COQ8A: variants seen among roughly 807,000 people sequenced by gnomAD.
COQ8A encodes the protein coenzyme Q8A, also known as atypical kinase COQ8A, mitochondrial.
A neutral mutation model predicts 65.0 loss-of-function variants in COQ8A; 51 were observed. The observed-to-expected ratio is 0.78, with a 90% CI of 0.63 to 0.99. The LOEUF (loss-of-function observed/expected upper bound fraction) is 0.99, where lower values mean the gene tolerates loss of function less well. COQ8A is among the 50% of genes least tolerant of loss of function. The pLI, the probability that COQ8A is intolerant of heterozygous loss-of-function variation, is 0.00. For missense variants in COQ8A, 940 were observed against 875.0 expected (o/e 1.07, Z -0.94); for synonymous variants, 371 against 353.2 (o/e 1.05, Z -0.57).
At chr1:226,959,824 G>C (rs1658042089) in intron 1 of COQ8A, among the ~76,000 whole-genome samples, 2 of 152,244 alleles carry the variant, frequency 1.3e-5, no homozygotes, top group South Asian at 4.1e-4. Context: ...GGATGCAACT[G>C]TTTAGGTAGG....
chr1:226,985,258 T>TCAGG lies in COQ8A; in HGVS notation c.1578_1581dup (p.Ala528GlnfsTer47). 6.2e-7 allele frequency: 1 copy of TCAGG among 1,613,504 alleles called. No individual in the cohort carries two copies. The highest frequency in any genetic ancestry group is 8.5e-7 in the Non-Finnish European group (1 of 1,179,972). On this transcript the variant is annotated frameshift_variant, in exon 14 of 15. Coordinates refer to ENST00000366777, the MANE Select transcript of COQ8A (RefSeq NM_020247.5). LOFTEE classifies it high-confidence loss of function. ...CCCTCCTGTGCCTCTCCCCAGATCA[T>TCAGG]CAGGGCTGCTGCCGACAGGGACAGG...
intron 5 of COQ8A, 152 bp from the exon 6 acceptor site, chr1:226,981,875 T>G (rs978811912): frequency 2.4e-5 from 29 of 1,185,282 alleles, no homozygotes; most frequent in Admixed American, 8.0e-5. Context: ...CTTGGGGAGG[T>G]GGACATGGAA....
rs750337173 is a variant in COQ8A, at chr1:226,983,040, C to T, written c.1080+6C>T. The T allele has an allele frequency of 1.8e-5, 29 of 1,577,760 alleles. No individual in the cohort carries two copies. The highest frequency in any genetic ancestry group is 2.1e-4 in the Middle Eastern group (1 of 4,746). On this transcript the variant is annotated splice_donor_region_variant and intron_variant, in intron 8 of 14. Transcript: ENST00000366777. ...AGGTGGCCATGAAGATCCAGGTAGG[C>T]GGCCTGATGCGCAGTGCCTGTCCCT... is the stretch of plus-strand genomic sequence containing the variant.
chr1:226,951,356 G>A (rs978604427), intron 1 of COQ8A, among the ~76,000 whole-genome samples: 3 of 152,216 alleles, frequency 2.0e-5, no homozygotes, highest in Non-Finnish European at 2.9e-5. Context: ...GCCTCCTGAA[G>A]CGACAGGAGG....
chr1:226,986,960 T>G lies in COQ8A; in HGVS notation c.*223T>G, dbSNP rs1467950048. 1.7e-6 allele frequency: 1 copy of G among 600,252 alleles called. No individual in the cohort carries two copies. The highest frequency in any genetic ancestry group is 2.9e-6 in the Non-Finnish European group (1 of 339,310). The allele number at this position is 600,252 out of a possible 1,614,324, so 37.2% of individuals were successfully genotyped here. A position where few individuals can be genotyped will look rare whatever the true frequency, so the allele number is the denominator to read the frequency against. On this transcript the variant is annotated 3_prime_UTR_variant, in exon 15 of 15. Transcript: ENST00000366777. ...ATGAAGCCCCACTGCTCGGTCAGTC[T>G]GCCTCCGTGTGTCCTCTGAAATAAG...
At position 226,983,801 on chromosome 1, in the gene COQ8A, G is replaced by C; in HGVS notation, c.1203G>C (p.Glu401Asp). 6.2e-7 allele frequency: 1 copy of C among 1,612,636 alleles called. No homozygotes were observed. The highest frequency in any genetic ancestry group is 8.5e-7 in the Non-Finnish European group (1 of 1,180,002). ...PEHLIDVLRR[E>D]LALECDYQRE... ...ACCTGATCGACGTGCTGAGGCGGGA[G>C]CTGGCCCTGGAGTGTGACTACCAGC... Residue 401 changes from glutamate (E) to aspartate (D), a missense_variant, in exon 10 of 15, where the codon GAG becomes GAC. Glu to Asp is a conservative substitution (Grantham distance 45, BLOSUM62 2). Transcript: ENST00000366777.
intron 1 of COQ8A, among the ~76,000 whole-genome samples, chr1:226,957,802 A>G (rs1205083268): frequency 1.3e-5 from 2 of 152,194 alleles, no homozygotes; most frequent in African/African-American, 4.8e-5. Flanking sequence ...TTTGGAGACT[A>G]GATTTGAAGG....
In COQ8A at chr1:226,977,521, C is replaced by T. The variant is rs774643334; in HGVS notation, c.728C>T (p.Ser243Leu). Residue 243 changes from serine (S) to leucine (L), a missense_variant and splice_region_variant, in exon 5 of 15, where the codon TCA becomes TTA. Physicochemically the swap from Ser to Leu is moderately radical, Grantham distance 145. Coordinates refer to ENST00000366777, the MANE Select transcript of COQ8A (RefSeq NM_020247.5). ...AAGAGCCTGCGCTCCGAGGACCCCT[C>T]AGGTGAGCCGGGCCCTTCAGTGGGA... Reference protein sequence around the residue: ...AKKSLRSEDPSGKKAVLGSSP... With the variant: ...AKKSLRSEDPLGKKAVLGSSP... 1.9e-6 allele frequency: 3 copies of T among 1,558,450 alleles called. No individual in the cohort carries two copies.
intron 1 of COQ8A, among the ~76,000 whole-genome samples, chr1:226,943,583 T>C (rs1656825164): frequency 6.6e-6 from 1 of 152,218 alleles, no homozygotes; most frequent in African/African-American, 2.4e-5. Flanking sequence ...ACTGGATATA[T>C]GGCTGAGATT....
At chr1:226,951,025 G>C (rs967276132) in intron 1 of COQ8A, among the ~76,000 whole-genome samples, 1 of 152,192 alleles carries the variant, frequency 6.6e-6, no homozygotes, top group Non-Finnish European at 1.5e-5. Flanking sequence ...GGTGAGCTCA[G>C]ACCTCTCTGC....
In COQ8A at chr1:226,959,230, G is replaced by A. The variant is rs148321175; in HGVS notation, c.-9-2147G>A. ...CCCTCCTTTCTACTTCTGTGAGAGC[G>A]TAGACTCCCTTGCAGAAAAATACCT... is the stretch of plus-strand genomic sequence containing the variant. On this transcript the variant is annotated intron_variant, in intron 1 of 14. Transcript: ENST00000366777. Among the ~76,000 whole-genome samples the A allele has an allele frequency of 2.6e-3, 403 of 152,202 alleles. 8 individuals carry two copies. The highest frequency in any genetic ancestry group is 8.7e-3 in the African/African-American group (363 of 41,522).
chr1:226,960,457 CAGTACTTGGTGGT>C, intron 1 of COQ8A, among the ~76,000 whole-genome samples: 1 of 2,566 alleles, frequency 3.9e-4, no homozygotes, highest in African/African-American at 1.7e-3. Flanking sequence ...GTGGTGGTGG[CAGTACTTGGTGGT>C]GGTGGCAGTG....
At chr1:226,986,415 G>C (rs773308609) in intron 14 of COQ8A, 38 bp from the exon 15 acceptor site, 14 of 1,606,436 alleles carry the variant, frequency 8.7e-6, no homozygotes, top group Non-Finnish European at 1.2e-5. Context: ...GAGGGCTCTG[G>C]TGTCTCGCCG....
At chr1:226,945,041 G>A (rs988971573) in intron 1 of COQ8A, among the ~76,000 whole-genome samples, 4 of 152,076 alleles carry the variant, frequency 2.6e-5, no homozygotes, top group African/African-American at 9.7e-5. Context: ...GCGTTGTTTT[G>A]AGCATTACTC....
chr1:226,955,954 G>A (rs1385739627), intron 1 of COQ8A, among the ~76,000 whole-genome samples: 10 of 84,130 alleles, frequency 1.2e-4, no homozygotes, highest in African/African-American at 1.6e-4. Context: ...CCTGGTTCCC[G>A]CTCTCCCTGA....
At chr1:226,952,071 G>A (rs16846733) in intron 1 of COQ8A, among the ~76,000 whole-genome samples, 5,771 of 152,208 alleles carry the variant, frequency 0.038, 332 homozygotes, top group African/African-American at 0.12. Context: ...CATTATTTCC[G>A]TCTTTTAACC....
chr1:226,961,542 A>G lies in COQ8A; in HGVS notation c.157A>G (p.Met53Val), dbSNP rs1209872503. 20 of 1,612,846 alleles carry G rather than the reference A, an allele frequency of 1.2e-5. No individual in the cohort carries two copies. Among genetic ancestry groups the G allele is most frequent in the South Asian group, 6.6e-5 (6 of 91,062 alleles). ...LQSTAVEQIG[M>V]FLGKVQGQDK... The stretch of plus-strand genomic sequence containing the variant: ...GTCCACGGCTGTGGAGCAGATTGGC[A>G]TGTTCTTGGGGAAGGTGCAGGTAAG... The change falls in exon 2 of 15, where the codon ATG becomes GTG. Residue 53 changes from methionine to valine, a missense_variant. Transcript: ENST00000366777.
intron 1 of COQ8A, among the ~76,000 whole-genome samples, chr1:226,942,062 C>T (rs1039677915): frequency 1.3e-5 from 2 of 152,060 alleles, no homozygotes; most frequent in Non-Finnish European, 2.9e-5. Flanking sequence ...GTCTACTAGA[C>T]TAGCACCGCT....
chr1:226,983,429 C>A, intron 8 of COQ8A, 123 bp from the exon 9 acceptor site: 1 of 920,924 alleles, frequency 1.1e-6, no homozygotes, highest in Non-Finnish European at 1.7e-6. Context: ...AGCTCTGGTT[C>A]TCCAGGGTGT....
Sources: gnomAD v4.1 joint callset for allele counts (sites outside exome capture counted in the v4.1 genomes callset) on GRCh38, gnomAD v4.1.1 for gene constraint, MANE v1.5 for transcripts, NCBI Gene and HGNC (gene_info 2026-07-23, HGNC 2026-07-21) for gene names.